The following WWOX variants were observed in gnomAD, a reference collection of about 807,000 sequenced individuals.
WWOX encodes the protein WW domain-containing oxidoreductase.
A neutral mutation model predicts 46.2 loss-of-function variants in WWOX; 69 were observed. The ratio of observed to expected loss-of-function variants is 1.49; its 90% CI spans 1.23 to 1.82. The LOEUF is 1.82. WWOX is among the 40% of genes most tolerant of loss of function. The pLI, the probability that WWOX is intolerant of heterozygous loss-of-function variation, is 0.00. For synonymous variants in WWOX, 359 were observed against 202.6 expected (o/e 1.77, Z -6.56); for missense variants, 919 against 542.6 (o/e 1.69, Z -6.89).
intron 4 of WWOX, among the ~76,000 whole-genome samples, chr16:78,134,814 A>G (rs959722540): frequency 1.3e-5 from 2 of 152,202 alleles, no homozygotes; most frequent in African/African-American, 2.4e-5. Context: ...GTTTTTCTCC[A>G]TGTTAGATGT....
At chr16:78,524,865 CTTTTTTTTT>C (rs370620034) in intron 8 of WWOX, among the ~76,000 whole-genome samples, 28 of 48,524 alleles carry the variant, frequency 5.8e-4, no homozygotes, top group Middle Eastern at 0.017. Flanking sequence ...GTTTTTCTTT[CTTTTTTTTT>C]TTTTTTTTTG....
intron 7 of WWOX, among the ~76,000 whole-genome samples, chr16:78,427,673 G>C (rs1485621297): frequency 2.0e-5 from 3 of 152,152 alleles, no homozygotes; most frequent in African/African-American, 7.2e-5. Context: ...TATCTAGTAA[G>C]AGGCTGAGGT....
intron 5 of WWOX, among the ~76,000 whole-genome samples, chr16:78,332,060 C>T (rs2080770378): frequency 6.6e-6 from 1 of 152,150 alleles, no homozygotes; most frequent in Non-Finnish European, 1.5e-5. Context: ...TACTGTTTCT[C>T]TGTTGAGGCT....
chr16:78,592,150 C>T (rs1392265267), intron 8 of WWOX, among the ~76,000 whole-genome samples: 2 of 152,266 alleles, frequency 1.3e-5, no homozygotes, highest in East Asian at 3.9e-4. Flanking sequence ...AAATAAAGAA[C>T]AGCATGGTAC....
At chr16:78,971,575 A>G (rs544885616) in intron 8 of WWOX, among the ~76,000 whole-genome samples, 147 of 152,236 alleles carry the variant, frequency 9.7e-4, no homozygotes, top group Non-Finnish European at 1.8e-3. Context: ...CAAATGGAGC[A>G]AAGTGTGCTT....
At chr16:78,888,155 T>G (rs1327622780) in intron 8 of WWOX, among the ~76,000 whole-genome samples, 1 of 152,204 alleles carries the variant, frequency 6.6e-6, no homozygotes. Context: ...GCTGGCTCCT[T>G]TTAAAAGGTG....
chr16:78,305,557 C>T (rs67080937), intron 5 of WWOX, among the ~76,000 whole-genome samples: 1 of 151,984 alleles, frequency 6.6e-6, no homozygotes, highest in African/African-American at 2.4e-5. Flanking sequence ...TTAAAAAGCC[C>T]CAGACCATTC....
At chr16:78,939,019 G>C (rs946034272) in intron 8 of WWOX, among the ~76,000 whole-genome samples, 5 of 152,264 alleles carry the variant, frequency 3.3e-5, no homozygotes, top group African/African-American at 1.2e-4. Flanking sequence ...AAGGTTTTGT[G>C]GCCTTTCAGC....
chr16:78,326,538 C>A (rs1190099533), intron 5 of WWOX, among the ~76,000 whole-genome samples: 1 of 135,492 alleles, frequency 7.4e-6, no homozygotes, highest in Admixed American at 8.1e-5. Flanking sequence ...GGATGTATTA[C>A]TTAACCTCTC....
chr16:78,922,304 T>A (rs2045397161), intron 8 of WWOX, among the ~76,000 whole-genome samples: 1 of 151,978 alleles, frequency 6.6e-6, no homozygotes, highest in South Asian at 2.1e-4. Flanking sequence ...ATTAAGAGTC[T>A]CCAGAGTATG....
intron 5 of WWOX, among the ~76,000 whole-genome samples, chr16:78,384,974 A>G (rs944835125): frequency 9.2e-5 from 14 of 152,100 alleles, no homozygotes; most frequent in African/African-American, 3.1e-4. Context: ...TCTGTACTGA[A>G]AATACAAAAA....
intron 8 of WWOX, among the ~76,000 whole-genome samples, chr16:78,854,369 C>G (rs949780680): frequency 1.3e-5 from 2 of 152,076 alleles, no homozygotes; most frequent in Non-Finnish European, 2.9e-5. Context: ...TCTTTTAGCA[C>G]CAAATGTTTG....
At chr16:78,415,000 T>C (rs2082766320) in intron 6 of WWOX, among the ~76,000 whole-genome samples, 2 of 151,666 alleles carry the variant, frequency 1.3e-5, no homozygotes. Flanking sequence ...GGCTACTCCA[T>C]AGGCAGAGCA....
chr16:78,316,540 G>A (rs1479019540), intron 5 of WWOX, among the ~76,000 whole-genome samples: 1 of 152,002 alleles, frequency 6.6e-6, no homozygotes, highest in African/African-American at 2.4e-5. Context: ...ATGTGGTTTT[G>A]CGGTGTTGGC....
intron 6 of WWOX, among the ~76,000 whole-genome samples, chr16:78,399,780 G>A (rs1321165643): frequency 6.6e-6 from 1 of 151,892 alleles, no homozygotes; most frequent in Non-Finnish European, 1.5e-5. Context: ...TTGTCACTTT[G>A]GAATCTACAC....
intron 4 of WWOX, 127 bp downstream of exon 4, chr16:78,115,281 G>T: frequency 8.8e-7 from 1 of 1,135,258 alleles, no homozygotes; most frequent in Non-Finnish European, 1.3e-6. Flanking sequence ...TTCAGATATC[G>T]TTTCATTAAC....
chr16:78,424,113 T>G (rs1567564589), intron 6 of WWOX, among the ~76,000 whole-genome samples: 1 of 144,026 alleles, frequency 6.9e-6, no homozygotes, highest in Non-Finnish European at 1.5e-5. Flanking sequence ...TTTTCTTTTT[T>G]TTTTTTGTTT....
intron 8 of WWOX, among the ~76,000 whole-genome samples, chr16:78,640,557 C>G (rs557906479): frequency 9.1e-4 from 139 of 152,130 alleles, no homozygotes; most frequent in Non-Finnish European, 1.6e-3. Flanking sequence ...ATACGTTGAT[C>G]TGTACAGCAA....
At chr16:78,143,844 C>T (rs1177142562) in intron 4 of WWOX, among the ~76,000 whole-genome samples, 1 of 146,972 alleles carries the variant, frequency 6.8e-6, no homozygotes, top group East Asian at 2.0e-4. Context: ...TGCCAGGAAG[C>T]TCAGAACTTT....
Sources: allele counts gnomAD v4.1 joint callset (sites outside exome capture counted in the v4.1 genomes callset), GRCh38; gene constraint gnomAD v4.1.1; transcripts MANE v1.5; gene names NCBI Gene and HGNC (gene_info 2026-07-23, HGNC 2026-07-21).